PRPF39: variants seen among roughly 807,000 people sequenced by gnomAD.
PRPF39 encodes pre-mRNA processing factor 39.
In PRPF39, 27 loss-of-function variants were observed where a neutral mutation model predicts 82.1. The ratio of observed to expected loss-of-function variants is 0.33; its 90% CI spans 0.24 to 0.45. The LOEUF (loss-of-function observed/expected upper bound fraction) is 0.45, where lower values mean the gene tolerates loss of function less well. PRPF39 is among the 20% of genes least tolerant of loss of function. PRPF39 has a pLI of 1.00. For missense variants in PRPF39, 581 were observed against 796.9 expected (o/e 0.73, Z 3.26); for synonymous variants, 261 against 256.4 (o/e 1.02, Z -0.17).
intron 10 of PRPF39, among the ~76,000 whole-genome samples, 183 bp from the exon 11 acceptor site, chr14:45,112,135 A>G (rs920810106): frequency 6.6e-6 from 1 of 152,208 alleles, no homozygotes; most frequent in South Asian, 2.1e-4. Flanking sequence ...TGAAAAATTC[A>G]TCAGTGTGTT....
At chr14:45,093,658 A>G (rs1359138599) in intron 1 of PRPF39, among the ~76,000 whole-genome samples, 1 of 149,626 alleles carries the variant, frequency 6.7e-6, no homozygotes, top group African/African-American at 2.5e-5. Context: ...CAGGTTCAAG[A>G]GAGTCTCCTG....
chr14:45,107,686 T>C, intron 6 of PRPF39, 70 bp downstream of exon 6: 1 of 1,454,882 alleles, frequency 6.9e-7, no homozygotes, highest in Non-Finnish European at 9.3e-7. Flanking sequence ...CGCAGCACTT[T>C]GGGAGGCCAA....
At chr14:45,113,208 G>GTGT (rs1392029353) in intron 11 of PRPF39, among the ~76,000 whole-genome samples, 3 of 152,316 alleles carry the variant, frequency 2.0e-5, no homozygotes, top group Admixed American at 2.0e-4. Flanking sequence ...GTTTGTATAT[G>GTGT]TGTGTATATA....
chr14:45,094,463 G>T (rs1308550453), intron 1 of PRPF39, among the ~76,000 whole-genome samples: 1 of 152,038 alleles, frequency 6.6e-6, no homozygotes, highest in Non-Finnish European at 1.5e-5. Context: ...ATCGTAGCAG[G>T]GTCAATGCTT....
chr14:45,109,104 ACCAC>A (rs918148519), intron 7 of PRPF39, among the ~76,000 whole-genome samples: 1 of 152,156 alleles, frequency 6.6e-6, no homozygotes, highest in Non-Finnish European at 1.5e-5. Flanking sequence ...GTGCTAAGAT[ACCAC>A]CAACTGCTTT....
intron 7 of PRPF39, among the ~76,000 whole-genome samples, chr14:45,109,038 C>T (rs543090145): frequency 6.6e-6 from 1 of 152,270 alleles, no homozygotes; most frequent in Admixed American, 6.5e-5. Context: ...AAAAATAACA[C>T]CTTAACTTTT....
chr14:45,096,519 C>G, intron 3 of PRPF39: 4 of 1,435,210 alleles, frequency 2.8e-6, no homozygotes, highest in African/African-American at 1.4e-5. Context: ...CTCTCACTTA[C>G]ATTTATTTCT....
chr14:45,101,206 T>C (rs979224429), intron 4 of PRPF39, among the ~76,000 whole-genome samples: 1 of 152,248 alleles, frequency 6.6e-6, no homozygotes, highest in Non-Finnish European at 1.5e-5. Context: ...GTATTCTAGA[T>C]GAATAGTAGA....
Position 45,105,806 on chromosome 14 carries a change from G to T in PRPF39, c.738-1645G>T, listed in dbSNP as rs566082290. Among the ~76,000 whole-genome samples the T allele has an allele frequency of 7.2e-5, 11 of 152,084 alleles. No homozygotes were observed. In the South Asian group the frequency reaches 2.3e-3, roughly 32 times the overall value. ...CTCCCAAAGTGCTGGGATTACAGGC[G>T]TCAGCAGGCGCCTGACCTGTTTGCT... On this transcript the variant is annotated intron_variant, in intron 5 of 13. Coordinates refer to ENST00000355765, the MANE Select transcript of PRPF39 (RefSeq NM_017922.4).
intron 1 of PRPF39, among the ~76,000 whole-genome samples, chr14:45,091,930 A>G (rs1884041241): frequency 2.0e-5 from 3 of 152,202 alleles, no homozygotes; most frequent in Admixed American, 2.0e-4. Context: ...TCCTTACACA[A>G]TAGGAAGGTG....
chr14:45,084,875 C>CT (rs1226880451), intron 1 of PRPF39, among the ~76,000 whole-genome samples: 1 of 152,218 alleles, frequency 6.6e-6, no homozygotes, highest in Non-Finnish European at 1.5e-5. Flanking sequence ...AAAATCACAT[C>CT]TTTAAGTTAA....
In PRPF39 at chr14:45,115,337, T is replaced by C. The variant is rs1884806624; in HGVS notation, c.*424T>C. 1 of 152,526 alleles carries C rather than the reference T, an allele frequency of 6.6e-6. No individual in the cohort carries two copies. Among genetic ancestry groups the C allele is most frequent in the African/African-American group, 2.4e-5 (1 of 41,318 alleles). 9.4% of individuals were successfully genotyped at this position (152,526 alleles called of 1,614,324 possible). ...AGAAAAAAGGACTTTTAACCTTTGC[T>C]GACAAGGTTTTGTCTGTTTCAGTTA... On this transcript the variant is annotated 3_prime_UTR_variant, in exon 14 of 14. Transcript: ENST00000355765.
intron 1 of PRPF39, among the ~76,000 whole-genome samples, chr14:45,090,726 AT>A (rs1315110901): frequency 2.6e-5 from 4 of 151,578 alleles, no homozygotes; most frequent in Non-Finnish European, 5.9e-5. Flanking sequence ...GTGTGTGTGT[AT>A]GTGTTTGTGT....
At chr14:45,089,427 T>G (rs1357929552) in intron 1 of PRPF39, among the ~76,000 whole-genome samples, 3 of 152,180 alleles carry the variant, frequency 2.0e-5, no homozygotes, top group Non-Finnish European at 1.5e-5. Context: ...TGTTCTTTAT[T>G]TCATTGGCCT....
chr14:45,114,089 T>G, intron 11 of PRPF39, 94 bp from the exon 12 acceptor site: 1 of 912,002 alleles, frequency 1.1e-6, no homozygotes, highest in Non-Finnish European at 1.6e-6. Flanking sequence ...CTTAGAAATT[T>G]TCTTAGGCAG....
At chr14:45,089,538 G>C (rs951221594) in intron 1 of PRPF39, among the ~76,000 whole-genome samples, 1 of 152,092 alleles carries the variant, frequency 6.6e-6, no homozygotes, top group Non-Finnish European at 1.5e-5. Context: ...GCACGATCAC[G>C]ACTCACTGCA....
chr14:45,091,546 A>G (rs1040470154), intron 1 of PRPF39, among the ~76,000 whole-genome samples: 83 of 152,360 alleles, frequency 5.4e-4, no homozygotes, highest in African/African-American at 1.9e-3. Context: ...TGCAAAACTA[A>G]TATGACAAAC....
At chr14:45,084,434 G>A (rs969994657) in intron 1 of PRPF39, among the ~76,000 whole-genome samples, 185 bp downstream of exon 1, 1 of 152,180 alleles carries the variant, frequency 6.6e-6, no homozygotes, top group Non-Finnish European at 1.5e-5. Context: ...TGGGTGGAGC[G>A]GTGCAAGGTA....
At chr14:45,104,669 A>G (rs140439001) in intron 5 of PRPF39, among the ~76,000 whole-genome samples, 1 of 152,298 alleles carries the variant, frequency 6.6e-6, no homozygotes, top group African/African-American at 2.4e-5. Context: ...TTAGGCTTGT[A>G]CCATTGGATG....
Sources: gnomAD v4.1 joint callset for allele counts (sites outside exome capture counted in the v4.1 genomes callset) on GRCh38, gnomAD v4.1.1 for gene constraint, MANE v1.5 for transcripts, NCBI Gene and HGNC (gene_info 2026-07-23, HGNC 2026-07-21) for gene names.